RBFOX1: variants seen among roughly 807,000 people sequenced by gnomAD.
RBFOX1 encodes RNA binding protein fox-1 homolog 1.
Under a neutral mutation model 57.7 loss-of-function variants are expected in RBFOX1, and 8 were observed. The ratio of observed to expected loss-of-function variants is 0.14; its 90% CI spans 0.08 to 0.25. RBFOX1 has a LOEUF of 0.25. RBFOX1 is among the 10% of genes least tolerant of loss of function. RBFOX1 has a pLI of 1.00. For synonymous variants in RBFOX1, 326 were observed against 222.4 expected (o/e 1.47, Z -4.15); for missense variants, 611 against 548.5 (o/e 1.11, Z -1.14).
chr16:7,007,597 C>T (rs566628092), intron 3 of RBFOX1, among the ~76,000 whole-genome samples: 1 of 152,198 alleles, frequency 6.6e-6, no homozygotes, highest in African/African-American at 2.4e-5. Flanking sequence ...ATCCTCCAGC[C>T]ATCTTTGACT....
At chr16:6,879,480 C>T (rs924513682) in intron 3 of RBFOX1, among the ~76,000 whole-genome samples, 1 of 152,020 alleles carries the variant, frequency 6.6e-6, no homozygotes, top group Admixed American at 6.6e-5. Context: ...ATTGATGACC[C>T]CATCATGACC....
At chr16:7,170,732 T>G (rs191321176) in intron 4 of RBFOX1, among the ~76,000 whole-genome samples, 1 of 151,814 alleles carries the variant, frequency 6.6e-6, no homozygotes, top group African/African-American at 2.4e-5. Context: ...GAAGTTTCCA[T>G]ACACCTTGGT....
intron 2 of RBFOX1, among the ~76,000 whole-genome samples, chr16:5,585,196 A>G (rs1224570399): frequency 6.6e-6 from 1 of 151,988 alleles, no homozygotes; most frequent in East Asian, 1.9e-4. Context: ...CCTGGAAATC[A>G]CTAATCTGTT....
chr16:6,968,824 T>TTG (rs1229786145), intron 3 of RBFOX1, among the ~76,000 whole-genome samples: 2 of 151,820 alleles, frequency 1.3e-5, no homozygotes, highest in Admixed American at 6.6e-5. Flanking sequence ...TTTTTTTGTT[T>TTG]TTTTTTTTTT....
At chr16:7,212,743 C>T (rs931699904) in intron 4 of RBFOX1, among the ~76,000 whole-genome samples, 6 of 152,128 alleles carry the variant, frequency 3.9e-5, no homozygotes, top group African/African-American at 9.7e-5. Context: ...ACCTAGATGA[C>T]AGGTTGATAG....
intron 4 of RBFOX1, among the ~76,000 whole-genome samples, chr16:7,502,765 T>G (rs1021838618): frequency 1.3e-5 from 2 of 152,208 alleles, no homozygotes; most frequent in East Asian, 3.9e-4. Context: ...GGCTCATGCC[T>G]GTAATCCCAG....
chr16:7,592,377 T>C (rs1252848480), intron 7 of RBFOX1, among the ~76,000 whole-genome samples: 1 of 152,206 alleles, frequency 6.6e-6, no homozygotes, highest in Non-Finnish European at 1.5e-5. Context: ...TTAATGCTGA[T>C]TTCGGGGCAG....
At chr16:6,130,147 C>T (rs2096619620) in intron 1 of RBFOX1, among the ~76,000 whole-genome samples, 1 of 152,046 alleles carries the variant, frequency 6.6e-6, no homozygotes, top group Non-Finnish European at 1.5e-5. Flanking sequence ...TATGCTTTCA[C>T]TTCTCTTAAT....
At chr16:6,055,674 G>A (rs965199984) in intron 1 of RBFOX1, among the ~76,000 whole-genome samples, 2 of 151,240 alleles carry the variant, frequency 1.3e-5, no homozygotes, top group Non-Finnish European at 2.9e-5. Context: ...TCTGAGAAGC[G>A]AGACAAAAAA....
chr16:5,648,660 A>C (rs2049127917), intron 3 of RBFOX1, among the ~76,000 whole-genome samples: 2 of 152,120 alleles, frequency 1.3e-5, no homozygotes, highest in Non-Finnish European at 2.9e-5. Flanking sequence ...TCTGATCTAG[A>C]AGGAGAAAAG....
At chr16:6,530,295 C>T (rs1460122257) in intron 2 of RBFOX1, among the ~76,000 whole-genome samples, 1 of 152,052 alleles carries the variant, frequency 6.6e-6, no homozygotes, top group Non-Finnish European at 1.5e-5. Context: ...TTGCATTCCT[C>T]TTATTTGGCA....
intron 4 of RBFOX1, among the ~76,000 whole-genome samples, chr16:7,227,683 C>A (rs150744614): frequency 8.5e-5 from 13 of 152,240 alleles, no homozygotes; most frequent in African/African-American, 3.1e-4. Context: ...GTCCTTCCAG[C>A]GGGCATTTGG....
At chr16:5,780,471 A>G (rs78755777) in intron 3 of RBFOX1, among the ~76,000 whole-genome samples, 4,452 of 152,314 alleles carry the variant, frequency 0.029, 208 homozygotes, top group African/African-American at 0.1. Flanking sequence ...TGAATATGAG[A>G]TAAAGATAAA....
At chr16:7,080,088 T>TAG (rs1200592358) in intron 4 of RBFOX1, among the ~76,000 whole-genome samples, 9 of 143,704 alleles carry the variant, frequency 6.3e-5, no homozygotes, top group African/African-American at 2.4e-4. Flanking sequence ...CATATGTATA[T>TAG]ATGTATATAT....
At chr16:7,543,424 G>C (rs2083490519) in intron 5 of RBFOX1, among the ~76,000 whole-genome samples, 1 of 152,124 alleles carries the variant, frequency 6.6e-6, no homozygotes, top group African/African-American at 2.4e-5. Flanking sequence ...TCACTGCCAA[G>C]GACTGGGTGG....
At chr16:7,696,665 G>C (rs987187531) in intron 14 of RBFOX1, among the ~76,000 whole-genome samples, 5 of 152,074 alleles carry the variant, frequency 3.3e-5, no homozygotes, top group Non-Finnish European at 5.9e-5. Context: ...TGGTATGGGA[G>C]AACAGATCCC....
Position 6,154,694 on chromosome 16 carries a change from A to T in RBFOX1, c.-127+134702A>T, listed in dbSNP as rs138961681. Among the ~76,000 whole-genome samples, 416 of 152,334 alleles carry T rather than the reference A, an allele frequency of 2.7e-3. 2 individuals carry two copies. The highest frequency in any genetic ancestry group is 0.025 in the South Asian group (122 of 4,828). Reference sequence around the variant, plus strand: ...ATATGAATGTCAAAGAAGAAATGGGATGCGGGTTTGAGCAAAGAAAATATT... The same window carrying T: ...ATATGAATGTCAAAGAAGAAATGGGTTGCGGGTTTGAGCAAAGAAAATATT... On this transcript the variant is annotated intron_variant, in intron 1 of 15. Transcript: ENST00000550418.
intron 2 of RBFOX1, among the ~76,000 whole-genome samples, chr16:6,365,056 G>A (rs1267943384): frequency 6.6e-6 from 1 of 151,840 alleles, no homozygotes; most frequent in African/African-American, 2.4e-5. Context: ...CAAAGGCACA[G>A]TCATCAAAAC....
intron 3 of RBFOX1, among the ~76,000 whole-genome samples, chr16:6,936,903 T>G (rs1416567052): frequency 7.4e-6 from 1 of 134,678 alleles, no homozygotes; most frequent in Non-Finnish European, 1.5e-5. Context: ...AGTGTGATGT[T>G]CCCCTTCCTG....
Sources: allele counts gnomAD v4.1 joint callset (sites outside exome capture counted in the v4.1 genomes callset), GRCh38; gene constraint gnomAD v4.1.1; transcripts MANE v1.5; gene names NCBI Gene and HGNC (gene_info 2026-07-23, HGNC 2026-07-21).